Variants in UST observed in about 807,000 individuals in gnomAD.
UST encodes uronyl 2-sulfotransferase, also known as chondroitin sulfate 2-O-sulfotransferase.
In UST, 21 loss-of-function variants were observed where a neutral mutation model predicts 45.6. That is an observed-to-expected ratio of 0.46 (90% CI 0.33 to 0.66). The LOEUF is 0.66. UST is among the 30% of genes least tolerant of loss of function. The probability of loss-of-function intolerance (pLI) is 0.02; values close to 1 mark genes in which losing one functional copy is unlikely to be tolerated. For synonymous variants in UST, 215 were observed against 200.6 expected (o/e 1.07, Z -0.61); for missense variants, 463 against 512.4 (o/e 0.90, Z 0.93).
In UST at chr6:148,980,619, C is replaced by T. The variant is rs571622131; in HGVS notation, c.681+16056C>T. Among the ~76,000 whole-genome samples, 5 of 152,332 alleles carry T rather than the reference C, an allele frequency of 3.3e-5. No individual in the cohort carries two copies. In the South Asian group the frequency reaches 6.2e-4, roughly 19 times the overall value. ...GACATATTGCTTTCCCAAATAAACG[C>T]TAATCCAACCAAGCTTCTGACATCA... On this transcript the variant is annotated intron_variant, in intron 5 of 7. Transcript: ENST00000367463.
rs753293405 is a variant in UST at position 148,778,109 on chromosome 6, T to A, written c.247+30432T>A. 1.3e-3 allele frequency among the ~76,000 whole-genome samples: 196 copies of A among 152,204 alleles called. 3 individuals are homozygous for A. The highest frequency in any genetic ancestry group is 3.1e-4 in the Non-Finnish European group (21 of 68,042). On this transcript the variant is annotated intron_variant, in intron 1 of 7. Coordinates refer to ENST00000367463, the MANE Select transcript of UST (RefSeq NM_005715.3). The stretch of plus-strand genomic sequence containing the variant: ...AGCAATGCATAGTGGTAGTTACATA[T>A]CAACAAAATTGAAAAGTAAAAAATA...
chr6:148,972,749 A>G (rs965335614), intron 5 of UST, among the ~76,000 whole-genome samples: 1 of 152,270 alleles, frequency 6.6e-6, no homozygotes, highest in Non-Finnish European at 1.5e-5. Flanking sequence ...CTACTGGGGC[A>G]GGTGGCTAAC....
intron 1 of UST, among the ~76,000 whole-genome samples, chr6:148,782,759 T>C (rs892783686): frequency 6.6e-6 from 1 of 152,172 alleles, no homozygotes; most frequent in Admixed American, 6.6e-5. Flanking sequence ...GGCCAAGTTG[T>C]TTCTTATGGA....
intron 5 of UST, among the ~76,000 whole-genome samples, chr6:148,974,693 T>G (rs1780983029): frequency 6.6e-6 from 1 of 152,188 alleles, no homozygotes; most frequent in South Asian, 2.1e-4. Context: ...CTTACTCAAT[T>G]TCATGACAAG....
intron 6 of UST, among the ~76,000 whole-genome samples, chr6:149,019,855 G>C (rs1489140046): frequency 1.3e-5 from 2 of 152,158 alleles, no homozygotes; most frequent in South Asian, 2.1e-4. Flanking sequence ...CAGCACCCCT[G>C]TATACTTGTT....
intron 1 of UST, among the ~76,000 whole-genome samples, chr6:148,852,319 G>A (rs1027119674): frequency 4.6e-5 from 7 of 152,294 alleles, no homozygotes; most frequent in East Asian, 3.9e-4. Flanking sequence ...CATATGTTGC[G>A]TTTGGCTAAA....
intron 1 of UST, among the ~76,000 whole-genome samples, chr6:148,827,401 C>G (rs1167157018): frequency 6.6e-6 from 1 of 152,072 alleles, no homozygotes; most frequent in East Asian, 1.9e-4. Context: ...GATGGCCTCA[C>G]TTGAGGTCAG....
chr6:148,941,819 G>A (rs926188651), intron 3 of UST, among the ~76,000 whole-genome samples: 3 of 152,124 alleles, frequency 2.0e-5, no homozygotes, highest in African/African-American at 4.8e-5. Context: ...TCTCACCAAT[G>A]TCCAGGATCT....
chr6:149,014,710 G>A (rs1457397555), intron 5 of UST, among the ~76,000 whole-genome samples: 3 of 152,194 alleles, frequency 2.0e-5, no homozygotes, highest in African/African-American at 7.2e-5. Context: ...GCAAGGGAGA[G>A]GAAGAGCAAA....
intron 5 of UST, among the ~76,000 whole-genome samples, chr6:149,011,943 T>G (rs1775818853): frequency 6.6e-6 from 1 of 152,224 alleles, no homozygotes; most frequent in Non-Finnish European, 1.5e-5. Flanking sequence ...TGGCATTATG[T>G]CTCACTTATC....
chr6:148,808,511 C>G (rs1777193113), intron 1 of UST, among the ~76,000 whole-genome samples: 2 of 152,040 alleles, frequency 1.3e-5, no homozygotes, highest in South Asian at 4.2e-4. Context: ...CTTTCTTGCC[C>G]CACCCCTAGT....
chr6:148,979,375 C>CTTGCTTTAA (rs1781084992), intron 5 of UST, among the ~76,000 whole-genome samples: 1 of 152,150 alleles, frequency 6.6e-6, no homozygotes, highest in African/African-American at 2.4e-5. Context: ...CCCATTTTAC[C>CTTGCTTTAA]TTGCTTTAAT....
chr6:148,817,488 A>G (rs1777378586), intron 1 of UST, among the ~76,000 whole-genome samples: 1 of 152,206 alleles, frequency 6.6e-6, no homozygotes, highest in Non-Finnish European at 1.5e-5. Context: ...TTAGGGAGAC[A>G]TGAGATTGAA....
intron 2 of UST, among the ~76,000 whole-genome samples, chr6:148,908,033 C>T (rs1026633115): frequency 6.0e-5 from 9 of 151,176 alleles, no homozygotes; most frequent in East Asian, 2.0e-4. Flanking sequence ...CTCAGCCTCC[C>T]GAGTAGCTGG....
intron 2 of UST, among the ~76,000 whole-genome samples, chr6:148,928,716 G>A (rs1485169581): frequency 3.3e-5 from 5 of 152,180 alleles, no homozygotes; most frequent in Admixed American, 6.5e-5. Context: ...TTATGAAAAA[G>A]GTATACTTGT....
intron 1 of UST, among the ~76,000 whole-genome samples, chr6:148,818,180 C>A (rs527336735): frequency 3.4e-5 from 5 of 149,220 alleles, no homozygotes; most frequent in Admixed American, 3.3e-4. Context: ...GAATGGAGCA[C>A]GTTCAAAACA....
chr6:148,997,684 A>AT (rs1437234787), intron 5 of UST, among the ~76,000 whole-genome samples: 2 of 152,138 alleles, frequency 1.3e-5, no homozygotes, highest in Non-Finnish European at 2.9e-5. Context: ...TTTTTCTGGG[A>AT]TTTTTTTGTT....
At chr6:148,878,319 C>T (rs1183474461) in intron 1 of UST, among the ~76,000 whole-genome samples, 5 of 15,114 alleles carry the variant, frequency 3.3e-4, no homozygotes, top group South Asian at 5.8e-3. Context: ...TGTATGAGTG[C>T]GGGGATCGTG....
chr6:148,785,775 A>T (rs903738853), intron 1 of UST, among the ~76,000 whole-genome samples: 1 of 152,258 alleles, frequency 6.6e-6, no homozygotes, highest in East Asian at 1.9e-4. Flanking sequence ...GAGGAAAAAA[A>T]TGCTTAGGAA....
Sources: gnomAD v4.1 joint callset for allele counts (sites outside exome capture counted in the v4.1 genomes callset) on GRCh38, gnomAD v4.1.1 for gene constraint, MANE v1.5 for transcripts, NCBI Gene and HGNC (gene_info 2026-07-23, HGNC 2026-07-21) for gene names.